ZFAND3: variants seen among roughly 807,000 people sequenced by gnomAD.
ZFAND3 encodes zinc finger AN1-type containing 3, also known as AN1-type zinc finger protein 3.
ZFAND3 carries 10 observed loss-of-function variants against 29.6 expected under a neutral mutation model. The observed-to-expected ratio is 0.34, with a 90% CI of 0.21 to 0.57. The LOEUF is 0.57. Ranked by LOEUF, ZFAND3 falls within the 20% of genes least tolerant of loss-of-function variation. The pLI, the probability that ZFAND3 is intolerant of heterozygous loss-of-function variation, is 0.86. For missense variants in ZFAND3, 230 were observed against 304.5 expected, an observed-to-expected ratio of 0.76 and a Z score of 1.82; for synonymous variants, 128 against 112.6, an observed-to-expected ratio of 1.14 and a Z score of -0.87.
intron 5 of ZFAND3, among the ~76,000 whole-genome samples, chr6:38,146,430 C>T (rs1003867168): frequency 1.3e-5 from 2 of 152,200 alleles, no homozygotes; most frequent in African/African-American, 4.8e-5. Context: ...TGCAGAGCTG[C>T]TGTTTTTCCC....
chr6:37,941,109 A>T (rs971798184), intron 2 of ZFAND3, among the ~76,000 whole-genome samples: 1 of 152,230 alleles, frequency 6.6e-6, no homozygotes, highest in Admixed American at 6.5e-5. Flanking sequence ...CATTTTACAG[A>T]TAAGGAAACT....
chr6:37,909,237 G>T (rs1335587288), intron 1 of ZFAND3, among the ~76,000 whole-genome samples: 1 of 151,652 alleles, frequency 6.6e-6, no homozygotes, highest in Non-Finnish European at 1.5e-5. Context: ...TTTCTAAATA[G>T]ATGTTCACCT....
chr6:37,933,485 T>G (rs1761636169), intron 2 of ZFAND3, among the ~76,000 whole-genome samples: 1 of 152,198 alleles, frequency 6.6e-6, no homozygotes, highest in Non-Finnish European at 1.5e-5. Flanking sequence ...TGTTTCTCCT[T>G]TATAAAATAT....
intron 2 of ZFAND3, among the ~76,000 whole-genome samples, chr6:37,984,786 G>A (rs1762638412): frequency 1.3e-5 from 2 of 152,158 alleles, no homozygotes; most frequent in Non-Finnish European, 2.9e-5. Flanking sequence ...CAGCTAAGCT[G>A]GTCTGAACTA....
intron 1 of ZFAND3, among the ~76,000 whole-genome samples, chr6:37,820,967 C>T (rs1473454844): frequency 2.0e-5 from 3 of 152,226 alleles, no homozygotes; most frequent in Non-Finnish European, 4.4e-5. Flanking sequence ...AGTAAGAAAG[C>T]TGGAGACTTT....
At chr6:38,085,294 T>A (rs1234000143) in intron 4 of ZFAND3, among the ~76,000 whole-genome samples, 2 of 152,168 alleles carry the variant, frequency 1.3e-5, no homozygotes, top group Admixed American at 1.3e-4. Context: ...TTTACAGTGG[T>A]GTCATTTCTT....
chr6:37,823,708 A>T (rs868538582), intron 1 of ZFAND3, among the ~76,000 whole-genome samples: 25 of 152,134 alleles, frequency 1.6e-4, no homozygotes, highest in Admixed American at 1.3e-3. Flanking sequence ...CCACTGGGAA[A>T]CTTTGCTGCC....
At chr6:37,934,529 T>TAAAAA (rs34477813) in intron 2 of ZFAND3, among the ~76,000 whole-genome samples, 1 of 125,376 alleles carries the variant, frequency 8.0e-6, no homozygotes, top group Admixed American at 8.2e-5. Context: ...TTAGTCTATT[T>TAAAAA]AAAAAAAAAA....
At chr6:37,991,436 T>A (rs1206640092) in intron 2 of ZFAND3, among the ~76,000 whole-genome samples, 1 of 152,230 alleles carries the variant, frequency 6.6e-6, no homozygotes, top group East Asian at 1.9e-4. Context: ...CACTGCAACT[T>A]TTGCCCCCCA....
Position 38,019,500 on chromosome 6 carries a change from C to T in ZFAND3, c.113-42093C>T, listed in dbSNP as rs1300683864. Among the ~76,000 whole-genome samples the T allele has an allele frequency of 3.4e-4, 52 of 151,792 alleles. 1 individual carries two copies. In the Admixed American group the frequency reaches 3.5e-3, roughly 10 times the overall value. ...TTTCTCCAACAATTTGTCATTTGAT[C>T]ATGTATGGCATATGTTGAAATACAG... is the stretch of plus-strand genomic sequence containing the variant. On this transcript the variant is annotated intron_variant, in intron 2 of 5. Coordinates refer to ENST00000287218, the MANE Select transcript of ZFAND3 (RefSeq NM_021943.3).
At chr6:38,144,229 ATATTTTTT>A (rs1766053052) in intron 5 of ZFAND3, among the ~76,000 whole-genome samples, 1 of 116,934 alleles carries the variant, frequency 8.6e-6, no homozygotes, top group Non-Finnish European at 1.7e-5. Flanking sequence ...ATATATATAT[ATATTTTTT>A]TTTTAATAAG....
At chr6:38,127,198 A>G (rs965583841) in intron 5 of ZFAND3, among the ~76,000 whole-genome samples, 6 of 152,206 alleles carry the variant, frequency 3.9e-5, no homozygotes, top group Admixed American at 3.9e-4. Context: ...TTCATCACTA[A>G]GTATGATTCA....
intron 1 of ZFAND3, among the ~76,000 whole-genome samples, chr6:37,886,507 G>A (rs1764997548): frequency 6.6e-6 from 1 of 152,146 alleles, no homozygotes; most frequent in South Asian, 2.1e-4. Context: ...AGTTGTTTGG[G>A]TCAGAAGTAG....
At chr6:37,917,214 A>G (rs962786739) in intron 1 of ZFAND3, among the ~76,000 whole-genome samples, 2 of 152,200 alleles carry the variant, frequency 1.3e-5, no homozygotes, top group Non-Finnish European at 2.9e-5. Context: ...CCTCAAGGAT[A>G]ATGGGGGACT....
intron 2 of ZFAND3, among the ~76,000 whole-genome samples, chr6:37,998,251 A>G (rs1265607650): frequency 6.6e-6 from 1 of 152,186 alleles, no homozygotes; most frequent in Non-Finnish European, 1.5e-5. Context: ...AAGATGGAAA[A>G]CTAAAGTGAT....
intron 1 of ZFAND3, among the ~76,000 whole-genome samples, chr6:37,846,831 C>T (rs890687842): frequency 1.3e-5 from 2 of 151,848 alleles, no homozygotes; most frequent in African/African-American, 4.8e-5. Context: ...CCTGCCTTAG[C>T]CTCCCGAGTA....
At chr6:37,903,837 A>G (rs1765361969) in intron 1 of ZFAND3, among the ~76,000 whole-genome samples, 1 of 152,214 alleles carries the variant, frequency 6.6e-6, no homozygotes, top group Non-Finnish European at 1.5e-5. Context: ...GCTATTCTAA[A>G]CAATAGTCCC....
chr6:37,990,742 C>T (rs1762744264), intron 2 of ZFAND3, among the ~76,000 whole-genome samples: 1 of 152,122 alleles, frequency 6.6e-6, no homozygotes, highest in South Asian at 2.1e-4. Context: ...TACTTAAGCA[C>T]GTTTCAGTTC....
intron 5 of ZFAND3, among the ~76,000 whole-genome samples, chr6:38,138,434 C>G (rs566961448): frequency 1.3e-5 from 2 of 150,904 alleles, no homozygotes; most frequent in East Asian, 3.9e-4. Flanking sequence ...TTTTTTAAAT[C>G]CAGAAGTTCC....
Sources: allele counts gnomAD v4.1 joint callset (sites outside exome capture counted in the v4.1 genomes callset), GRCh38; gene constraint gnomAD v4.1.1; transcripts MANE v1.5; gene names NCBI Gene and HGNC (gene_info 2026-07-23, HGNC 2026-07-21).